CHRM5: variants seen among roughly 807,000 people sequenced by gnomAD.
CHRM5 encodes cholinergic receptor muscarinic 5, also known as muscarinic acetylcholine receptor M5.
In CHRM5, 18 loss-of-function variants were observed where a neutral mutation model predicts 39.0. That is an observed-to-expected ratio of 0.46 (90% confidence interval 0.32 to 0.68). The LOEUF is 0.68. CHRM5 is among the 30% of genes least tolerant of loss of function. The pLI is 0.04. For synonymous variants in CHRM5, 241 were observed against 246.3 expected (o/e 0.98, Z 0.20); for missense variants, 515 against 651.1 (o/e 0.79, Z 2.28).
At chr15:34,062,358 A>G (rs1166625647) in intron 2 of CHRM5, among the ~76,000 whole-genome samples, 1 of 152,068 alleles carries the variant, frequency 6.6e-6, no homozygotes, top group African/African-American at 2.4e-5. Flanking sequence ...GATCGAGACC[A>G]TCCCGCCTAA....
In CHRM5 at chr15:34,002,931, G is replaced by T. The variant is rs187450705; in HGVS notation, c.-408+33781G>T. 3.5e-4 allele frequency: 384 copies of T among 1,097,846 alleles called. 3 individuals carry two copies. In the African/African-American group the frequency reaches 5.6e-3, roughly 16 times the overall value. 68.0% of individuals were successfully genotyped at this position (1,097,846 alleles called of 1,614,324 possible). On this transcript the variant is annotated intron_variant, in intron 1 of 2. Transcript: ENST00000383263. ...TTGAATTAAAAATCCAAAGAACAAA[G>T]GATAAATTGCTAGTTATAAAAGTAG...
chr15:33,983,215 C>CATATATATAT (rs148035145), intron 1 of CHRM5, among the ~76,000 whole-genome samples: 1 of 111,782 alleles, frequency 8.9e-6, no homozygotes, highest in African/African-American at 4.1e-5. Flanking sequence ...TATATATATA[C>CATATATATAT]ATATATATAC....
chr15:34,021,860 A>G (rs980551342), intron 1 of CHRM5, among the ~76,000 whole-genome samples: 1 of 152,060 alleles, frequency 6.6e-6, no homozygotes, highest in Non-Finnish European at 1.5e-5. Flanking sequence ...CATCTCAAAA[A>G]TAAAAATAAA....
chr15:33,976,723 A>G (rs56038374), intron 1 of CHRM5, among the ~76,000 whole-genome samples: 2 of 152,336 alleles, frequency 1.3e-5, no homozygotes, highest in Non-Finnish European at 2.9e-5. Flanking sequence ...AAAATTTAAC[A>G]TAAATGTATT....
intron 2 of CHRM5, among the ~76,000 whole-genome samples, chr15:34,050,324 GCAA>G (rs1899889211): frequency 1.3e-5 from 2 of 152,176 alleles, no homozygotes; most frequent in Admixed American, 1.3e-4. Flanking sequence ...GGCCTGCCTT[GCAA>G]GAGCTCCTGA....
At chr15:34,017,015 A>ATCCCTGC (rs200358414) in intron 1 of CHRM5, among the ~76,000 whole-genome samples, 1 of 151,826 alleles carries the variant, frequency 6.6e-6, no homozygotes. Context: ...CCTGTAGTCC[A>ATCCCTGC]AGCTACTCAG....
At chr15:33,981,774 T>C (rs1349077430) in intron 1 of CHRM5, among the ~76,000 whole-genome samples, 1 of 152,226 alleles carries the variant, frequency 6.6e-6, no homozygotes, top group Admixed American at 6.5e-5. Flanking sequence ...AAGGGCTATT[T>C]TGAATTTAAA....
Position 34,053,178 on chromosome 15 carries a change from C to T in CHRM5, c.-76+6307C>T, listed in dbSNP as rs1421662984. On this transcript the variant is annotated intron_variant, in intron 2 of 2. Transcript: ENST00000383263. ...ATCCAGACATGGTGGTGGGTGCCTA[C>T]AGTCCCAGCTACTCAGGAGGCTGAG... Among the ~76,000 whole-genome samples, 3 of 150,260 alleles carry T rather than the reference C, an allele frequency of 2.0e-5. No homozygotes were observed. In the Admixed American group the frequency reaches 2.0e-4, roughly 10 times the overall value.
chr15:34,004,069 T>C (rs1049370618), intron 1 of CHRM5, among the ~76,000 whole-genome samples: 4 of 152,180 alleles, frequency 2.6e-5, no homozygotes, highest in African/African-American at 9.7e-5. Context: ...GCCTGTGTGA[T>C]TGTTCAGGTA....
chr15:33,979,015 C>A (rs1190213908), intron 1 of CHRM5, among the ~76,000 whole-genome samples: 2 of 152,028 alleles, frequency 1.3e-5, no homozygotes, highest in Non-Finnish European at 2.9e-5. Context: ...TATAATGCTC[C>A]AGGTTTCTTT....
chr15:33,994,481 C>T lies in CHRM5; in HGVS notation c.-408+25331C>T, dbSNP rs528040536. Among the ~76,000 whole-genome samples the T allele has an allele frequency of 1.0e-3, 157 of 152,204 alleles. 1 individual carries two copies. Among genetic ancestry groups the T allele is most frequent in the Admixed American group, 1.5e-3 (23 of 15,290 alleles). On this transcript the variant is annotated intron_variant, in intron 1 of 2. Coordinates refer to ENST00000383263, the MANE Select transcript of CHRM5 (RefSeq NM_012125.4). The stretch of plus-strand genomic sequence containing the variant: ...AATAAAGCACATAATAAATGTAACA[C>T]GCTTGAATCATCCTGAAACCGTCAT...
chr15:34,036,021 C>G (rs903408899), intron 1 of CHRM5, among the ~76,000 whole-genome samples: 34 of 152,076 alleles, frequency 2.2e-4, no homozygotes, highest in African/African-American at 7.7e-4. Context: ...GTCTCGAACT[C>G]CCAGACTCAA....
intron 1 of CHRM5, among the ~76,000 whole-genome samples, chr15:33,974,181 G>A (rs907757192): frequency 6.6e-6 from 1 of 152,070 alleles, no homozygotes; most frequent in Non-Finnish European, 1.5e-5. Flanking sequence ...GATCTAAATT[G>A]GTCTTGCTAT....
At chr15:34,018,063 A>G (rs1445360078) in intron 1 of CHRM5, among the ~76,000 whole-genome samples, 1 of 152,234 alleles carries the variant, frequency 6.6e-6, no homozygotes, top group Non-Finnish European at 1.5e-5. Context: ...TGTATTTACT[A>G]TATTATACTT....
chr15:34,040,522 ATACT>A (rs1899426735), intron 1 of CHRM5, among the ~76,000 whole-genome samples: 1 of 152,246 alleles, frequency 6.6e-6, no homozygotes, highest in Non-Finnish European at 1.5e-5. Context: ...ACTATTCTAC[ATACT>A]TCTCATATCA....
intron 2 of CHRM5, among the ~76,000 whole-genome samples, chr15:34,058,711 C>T (rs747636422): frequency 3.9e-5 from 6 of 151,992 alleles, no homozygotes; most frequent in Middle Eastern, 3.2e-3. Flanking sequence ...CCTATAAAGC[C>T]AAATTCTTCT....
intron 1 of CHRM5, among the ~76,000 whole-genome samples, chr15:34,020,603 C>T (rs547195078): frequency 1.8e-4 from 28 of 152,316 alleles, no homozygotes; most frequent in Non-Finnish European, 3.8e-4. Flanking sequence ...ACTGCACTTT[C>T]ATTAGTACTT....
At chr15:33,989,516 G>A (rs1229661965) in intron 1 of CHRM5, among the ~76,000 whole-genome samples, 1 of 150,980 alleles carries the variant, frequency 6.6e-6, no homozygotes, top group Admixed American at 6.6e-5. Context: ...CCCACCAAGT[G>A]TTCCTTCTAT....
At chr15:33,997,258 G>C (rs949899171) in intron 1 of CHRM5, among the ~76,000 whole-genome samples, 2 of 152,102 alleles carry the variant, frequency 1.3e-5, no homozygotes, top group East Asian at 3.9e-4. Context: ...CTCATATCAG[G>C]AGATACCTGC....
Sources: gnomAD v4.1 joint callset for allele counts (sites outside exome capture counted in the v4.1 genomes callset) on GRCh38, gnomAD v4.1.1 for gene constraint, MANE v1.5 for transcripts, NCBI Gene and HGNC (gene_info 2026-07-23, HGNC 2026-07-21) for gene names.